The following RNF144B variants were observed in gnomAD, a reference collection of about 807,000 sequenced individuals.
RNF144B encodes the protein E3 ubiquitin-protein ligase RNF144B.
Under a neutral mutation model 40.2 loss-of-function variants are expected in RNF144B, and 25 were observed. The observed-to-expected ratio is 0.62, with a 90% CI of 0.45 to 0.87. The LOEUF is 0.87. Ranked by LOEUF, RNF144B falls within the 40% of genes least tolerant of loss-of-function variation. The pLI, the probability that RNF144B is intolerant of heterozygous loss-of-function variation, is 0.00. For synonymous variants in RNF144B, 145 were observed against 136.3 expected (o/e 1.06, Z -0.44); for missense variants, 365 against 373.7 (o/e 0.98, Z 0.19).
rs1759137874 is a variant in RNF144B at position 18,448,639 on chromosome 6, A to T, written c.332-8516A>T. On this transcript the variant is annotated intron_variant, in intron 4 of 7. Coordinates refer to ENST00000259939, the MANE Select transcript of RNF144B (RefSeq NM_182757.4). The surrounding 1 kb of genome is among the most constrained non-coding windows in gnomAD (Gnocchi z 4.0). ...TGTAAGTCACTGTTTTTCAAAGTAT[A>T]GAACTGTGACCCAGAATAATAAATC... 6.6e-6 allele frequency among the ~76,000 whole-genome samples: 1 copy of T among 151,986 alleles called. No homozygotes were observed. Among genetic ancestry groups the T allele is most frequent in the South Asian group, 2.1e-4 (1 of 4,818 alleles).
rs1795108065 is a variant in RNF144B at position 18,414,534 on chromosome 6, T to C, written c.166-13047T>C. ...AATATTCTTTTAAAATTTCAAAAAT[T>C]CAGATAGTTATTAATATTGCTACCA... On this transcript the variant is annotated intron_variant, in intron 2 of 7. Transcript: ENST00000259939. This position sits in a 1 kb window ranked among gnomAD's most constrained non-coding sequence, Gnocchi z 4.9. Among the ~76,000 whole-genome samples the C allele has an allele frequency of 6.6e-6, 1 of 152,200 alleles. No homozygotes were observed. Among genetic ancestry groups the C allele is most frequent in the South Asian group, 2.1e-4 (1 of 4,830 alleles).
intron 6 of RNF144B, among the ~76,000 whole-genome samples, chr6:18,461,027 G>A (rs1382952558): frequency 1.3e-5 from 2 of 152,124 alleles, no homozygotes; most frequent in Admixed American, 6.5e-5. Flanking sequence ...GATTTGTGTA[G>A]TGCTTTAGTT....
chr6:18,415,187 T>C (rs1365066377), intron 2 of RNF144B, among the ~76,000 whole-genome samples: 2 of 152,210 alleles, frequency 1.3e-5, no homozygotes, highest in African/African-American at 2.4e-5. Flanking sequence ...AATCCATGGA[T>C]GTGAAATCTG....
chr6:18,436,008 AACTT>A, intron 3 of RNF144B, among the ~76,000 whole-genome samples: 1 of 152,126 alleles, frequency 6.6e-6, no homozygotes, highest in South Asian at 2.1e-4. Context: ...TGTACCCTAA[AACTT>A]AAAGTATAAT....
chr6:18,399,411 G>T, intron 1 of RNF144B, 88 bp from the exon 2 acceptor site: 1 of 937,150 alleles, frequency 1.1e-6, no homozygotes, highest in East Asian at 2.7e-5. Context: ...CTGAGGGTGA[G>T]AATTTGATCA....
At position 18,465,333 on chromosome 6, in the gene RNF144B, A is replaced by C; in HGVS notation, c.*266A>C. 1 of 475,626 alleles carries C rather than the reference A, an allele frequency of 2.1e-6. No individual in the cohort carries two copies. Among genetic ancestry groups the C allele is most frequent in the Non-Finnish European group, 3.8e-6 (1 of 265,874 alleles). The allele number at this position is 475,626 out of a possible 1,614,324, so 29.5% of individuals were successfully genotyped here. A position where few individuals can be genotyped will look rare whatever the true frequency, so the allele number is the denominator to read the frequency against. ...TTGAGATGAATGAACATATCATTTT[A>C]TCATCCAAAGGATCTCACTGGACTG... is the stretch of plus-strand genomic sequence containing the variant. On this transcript the variant is annotated 3_prime_UTR_variant, in exon 8 of 8. Transcript: ENST00000259939.
In RNF144B at chr6:18,459,306, A is replaced by G. The variant is rs1759401118; in HGVS notation, c.537-301A>G. ...ACCTAGTTTCTCTGCTGTGTAGCCA[A>G]CTCCTTGCCATTCTTATTTAGGCAA... is the stretch of plus-strand genomic sequence containing the variant. On this transcript the variant is annotated intron_variant, in intron 5 of 7. Coordinates refer to ENST00000259939, the MANE Select transcript of RNF144B (RefSeq NM_182757.4). The surrounding 1 kb of genome is among the most constrained non-coding windows in gnomAD (Gnocchi z 4.2). Among the ~76,000 whole-genome samples, 1 of 152,024 alleles carries G rather than the reference A, an allele frequency of 6.6e-6. No individual in the cohort carries two copies. Among genetic ancestry groups the G allele is most frequent in the South Asian group, 2.1e-4 (1 of 4,826 alleles).
At chr6:18,436,234 G>A (rs548861283) in intron 3 of RNF144B, among the ~76,000 whole-genome samples, 21 of 152,026 alleles carry the variant, frequency 1.4e-4, no homozygotes, top group Non-Finnish European at 2.9e-4. Context: ...AACTGGCCTG[G>A]ACTCTTCAAA....
rs10949517 is a variant in RNF144B, at chr6:18,467,883, C to T, written c.*2816C>T. 28,619 of 152,140 alleles carry T rather than the reference C, an allele frequency of 0.19. 3,213 individuals are homozygous for T. Among genetic ancestry groups the T allele is most frequent in the East Asian group, 0.44 (2,259 of 5,146 alleles). The allele number at this position is 152,140 out of a possible 1,614,324, so 9.4% of individuals were successfully genotyped here. A position where few individuals can be genotyped will look rare whatever the true frequency, so the allele number is the denominator to read the frequency against. On this transcript the variant is annotated 3_prime_UTR_variant, in exon 8 of 8. Coordinates refer to ENST00000259939, the MANE Select transcript of RNF144B (RefSeq NM_182757.4). ...CTCAAACTCCTGGGCTCAAGCGATCCACCCACCTTGGGCTCCCAAAGTGTT... is the reference window on the plus strand; with the variant it reads ...CTCAAACTCCTGGGCTCAAGCGATCTACCCACCTTGGGCTCCCAAAGTGTT...
At position 18,441,733 on chromosome 6, in the gene RNF144B, C is replaced by T. The variant is rs1451496731; in HGVS notation, c.331+1989C>T. Reference sequence around the variant, plus strand: ...CCACTGGTAAGCTGTGTGACCATGGCAAGGTCCTTAATATTTCTGCATCTC... The same window carrying T: ...CCACTGGTAAGCTGTGTGACCATGGTAAGGTCCTTAATATTTCTGCATCTC... On this transcript the variant is annotated intron_variant, in intron 4 of 7. Coordinates refer to ENST00000259939, the MANE Select transcript of RNF144B (RefSeq NM_182757.4). The surrounding 1 kb of genome is among the most constrained non-coding windows in gnomAD (Gnocchi z 4.9). 2.6e-5 allele frequency among the ~76,000 whole-genome samples: 4 copies of T among 152,154 alleles called. No homozygotes were observed. Among genetic ancestry groups the T allele is most frequent in the African/African-American group, 4.8e-5 (2 of 41,434 alleles).
At chr6:18,439,539 C>A in intron 3 of RNF144B, 145 bp from the exon 4 acceptor site, 1 of 614,040 alleles carries the variant, frequency 1.6e-6, no homozygotes, top group South Asian at 2.1e-5. Flanking sequence ...TGTTTTACTA[C>A]ATGAACAGTG....
chr6:18,408,752 C>G lies in RNF144B; in HGVS notation c.165+9053C>G, dbSNP rs2113473061. ...GCAGCTGCATGGCGGGTCAGGATCT[C>G]CCTCTGCCCACTTCTATTCTCCTTA... On this transcript the variant is annotated intron_variant, in intron 2 of 7. Coordinates refer to ENST00000259939, the MANE Select transcript of RNF144B (RefSeq NM_182757.4). Among the ~76,000 whole-genome samples, 3 of 152,210 alleles carry G rather than the reference C, an allele frequency of 2.0e-5. No homozygotes were observed. In the South Asian group the frequency reaches 6.2e-4, roughly 32 times the overall value.
At chr6:18,427,783 A>G in intron 3 of RNF144B, 98 bp downstream of exon 3, 21 of 785,394 alleles carry the variant, frequency 2.7e-5, no homozygotes, top group Non-Finnish European at 4.3e-5. Context: ...GTCTAGCAAG[A>G]AAATACAGAG....
chr6:18,459,678 A>T lies in RNF144B; in HGVS notation c.608A>T (p.Asn203Ile). ...CPVCRVYIER[N>I]EGCAQMMCKN... ...GTTTGCCGGGTTTATATCGAACGCA[A>T]TGAAGGCTGCGCTCAGATGATGTGC... The change falls in exon 6 of 8, where the codon AAT becomes ATT. Residue 203 changes from asparagine (N) to isoleucine (I), a missense_variant. Physicochemically the swap from Asn to Ile is moderately radical, Grantham distance 149 (BLOSUM62 -3). Transcript: ENST00000259939. This position sits in a 1 kb window ranked among gnomAD's most constrained non-coding sequence, Gnocchi z 4.2. 1 of 1,614,156 alleles carries T rather than the reference A, an allele frequency of 6.2e-7. No homozygotes were observed. Among genetic ancestry groups the T allele is most frequent in the Non-Finnish European group, 8.5e-7 (1 of 1,180,000 alleles).
chr6:18,411,491 ATATATATTT>A (rs1486049043), intron 2 of RNF144B, among the ~76,000 whole-genome samples: 3 of 21,782 alleles, frequency 1.4e-4, no homozygotes, highest in African/African-American at 5.0e-4. Context: ...ATATATATAT[ATATATATTT>A]TTTTTTTTTT....
chr6:18,389,061 G>C (rs1185112845), intron 1 of RNF144B, among the ~76,000 whole-genome samples: 1 of 152,100 alleles, frequency 6.6e-6, no homozygotes, highest in Admixed American at 6.5e-5. Flanking sequence ...ACACTACTGT[G>C]CTGGAAGTCG....
At position 18,398,826 on chromosome 6, in the gene RNF144B, C is replaced by T. The variant is rs1794740470; in HGVS notation, c.-36-673C>T. On this transcript the variant is annotated intron_variant, in intron 1 of 7. Transcript: ENST00000259939. The surrounding 1 kb of genome is among the most constrained non-coding windows in gnomAD (Gnocchi z 5.0). Reference sequence around the variant, plus strand: ...GTTCTTTTGGGTATATACCCGATTGCTGGATCATATGTTACCTCTTTGTTT... The same window carrying T: ...GTTCTTTTGGGTATATACCCGATTGTTGGATCATATGTTACCTCTTTGTTT... Among the ~76,000 whole-genome samples, 2 of 152,196 alleles carry T rather than the reference C, an allele frequency of 1.3e-5. No individual in the cohort carries two copies. Among genetic ancestry groups the T allele is most frequent in the Admixed American group, 1.3e-4 (2 of 15,280 alleles).
At chr6:18,461,783 G>A (rs1759461321) in intron 6 of RNF144B, among the ~76,000 whole-genome samples, 1 of 152,148 alleles carries the variant, frequency 6.6e-6, no homozygotes, top group Non-Finnish European at 1.5e-5. Flanking sequence ...ATCAGATGGT[G>A]GTGTGGATCT....
chr6:18,401,483 C>T (rs922520818), intron 2 of RNF144B, among the ~76,000 whole-genome samples: 3 of 152,204 alleles, frequency 2.0e-5, no homozygotes, highest in African/African-American at 7.2e-5. Flanking sequence ...GAAACATTAA[C>T]TTTCCCTGGC....
Sources: gnomAD v4.1 joint callset for allele counts (sites outside exome capture counted in the v4.1 genomes callset) on GRCh38, gnomAD v4.1.1 for gene constraint, Gnocchi (gnomAD v3.1) non-coding constraint, MANE v1.5 for transcripts, NCBI Gene and HGNC (gene_info 2026-07-23, HGNC 2026-07-21) for gene names.